Variants in CACNB3 observed in about 807,000 individuals in gnomAD.
CACNB3 encodes the protein voltage-dependent L-type calcium channel subunit beta-3.
A neutral mutation model predicts 63.7 loss-of-function variants in CACNB3; 36 were observed. That is an observed-to-expected ratio of 0.57 (90% CI 0.43 to 0.75). The LOEUF (loss-of-function observed/expected upper bound fraction) is 0.75. Ranked by LOEUF, CACNB3 falls within the 30% of genes least tolerant of loss-of-function variation. The pLI is 0.00. For missense variants in CACNB3, 493 were observed against 648.6 expected (o/e 0.76, Z 2.61); for synonymous variants, 241 against 250.6 (o/e 0.96, Z 0.36).
Position 48,825,722 on chromosome 12 carries a change from C to T in CACNB3, c.695C>T (p.Pro232Leu), listed in dbSNP as rs761679635. The T allele has an allele frequency of 3.7e-6, 6 of 1,614,196 alleles. No individual in the cohort carries two copies. Among genetic ancestry groups the T allele is most frequent in the Middle Eastern group, 1.6e-4 (1 of 6,062 alleles). The part of the protein sequence containing the change: ...SLAKRSVLNN[P>L]GKRTIIERSS... ...GCAAAGCGATCTGTGCTCAACAATC[C>T]GGGCAAGAGGACCATCATTGAGCGC... is the stretch of plus-strand genomic sequence containing the variant. The change falls in exon 9 of 13, where the codon CCG becomes CTG. Residue 232 changes from proline to leucine, a missense_variant. Pro to Leu is a moderately conservative substitution (Grantham distance 98). Transcript: ENST00000301050. The surrounding 1 kb of genome is among the most constrained non-coding windows in gnomAD (Gnocchi z 4.5).
At chr12:48,815,508 G>T (rs1049845615), upstream of CACNB3, 16 of 1,409,320 alleles carry the variant, frequency 1.1e-5, no homozygotes, top group Non-Finnish European at 1.3e-5. Context: ...AGGGAGGGAG[G>T]AGGGAGGAGA....
intron 3 of CACNB3, chr12:48,824,052 C>G (rs1395916439): frequency 4.5e-6 from 3 of 661,556 alleles, no homozygotes; most frequent in Non-Finnish European, 7.7e-6. Flanking sequence ...TCCGAGGTCC[C>G]CTGTGACAGC....
chr12:48,824,777 A>G (rs1938039509), intron 5 of CACNB3, 44 bp downstream of exon 5: 1 of 1,589,558 alleles, frequency 6.3e-7, no homozygotes, highest in Non-Finnish European at 8.6e-7. Flanking sequence ...GTGGGTAGCT[A>G]AGACACAGGG....
Position 48,818,983 on chromosome 12 carries a change from C to T in CACNB3, c.45+9C>T, listed in dbSNP as rs1229831288. 6.2e-7 allele frequency: 1 copy of T among 1,605,286 alleles called. No homozygotes were observed. The highest frequency in any genetic ancestry group is 8.5e-7 in the Non-Finnish European group (1 of 1,176,190). On this transcript the variant is annotated intron_variant, in intron 1 of 12. Transcript: ENST00000301050. The surrounding 1 kb of genome is among the most constrained non-coding windows in gnomAD (Gnocchi z 4.3). The stretch of plus-strand genomic sequence containing the variant: ...TTGAGGACTCGGAGGCGGTGAGTGC[C>T]CACGATGAGGGTGGGGGCGGGGAAG...
At chr12:48,816,886 G>A, upstream of CACNB3, 2 of 985,516 alleles carry the variant, frequency 2.0e-6, no homozygotes, top group Non-Finnish European at 2.4e-6. Context: ...CATCTCCCAG[G>A]AGAAGAGCAC....
chr12:48,815,535 G>A (rs1262472322), upstream of CACNB3: 6 of 1,488,286 alleles, frequency 4.0e-6, no homozygotes, highest in South Asian at 1.3e-5. Flanking sequence ...GAGGGAACCA[G>A]GGGAGAGGGA....
intron 1 of CACNB3, among the ~76,000 whole-genome samples, chr12:48,822,283 A>G (rs1937890123): frequency 6.6e-6 from 1 of 151,998 alleles, no homozygotes; most frequent in Admixed American, 6.6e-5. Flanking sequence ...AGAGGAGGAA[A>G]CCCAGACATT....
At chr12:48,819,084 G>A (rs1937703325) in intron 1 of CACNB3, 110 bp downstream of exon 1, 13 of 1,165,832 alleles carry the variant, frequency 1.1e-5, no homozygotes, top group Admixed American at 2.3e-5. Flanking sequence ...GGCAGGGCAG[G>A]GTTTGTAGGG....
At chr12:48,815,578 G>A, upstream of CACNB3, 1 of 1,524,254 alleles carries the variant, frequency 6.6e-7, no homozygotes, top group Non-Finnish European at 8.8e-7. Flanking sequence ...GCGGGCGTGG[G>A]GCGAGGCCAG....
At chr12:48,824,193 T>C (rs1937996891) in intron 3 of CACNB3, 65 bp from the exon 4 acceptor site, 5 of 1,346,522 alleles carry the variant, frequency 3.7e-6, no homozygotes, top group Non-Finnish European at 5.2e-6. Context: ...CTCCTTCACA[T>C]TGAAGAGCCA....
intron 12 of CACNB3, 146 bp downstream of exon 12, chr12:48,827,269 C>T (rs537423815): frequency 1.2e-4 from 119 of 1,028,526 alleles, no homozygotes; most frequent in African/African-American, 1.0e-3. Flanking sequence ...CTAGCACAGA[C>T]GGGCAAAGGA....
At chr12:48,814,581 G>T, upstream of CACNB3, 2 of 1,499,538 alleles carry the variant, frequency 1.3e-6, no homozygotes, top group Non-Finnish European at 1.8e-6. This position sits in a 1 kb window ranked among gnomAD's most constrained non-coding sequence, Gnocchi z 6.9. Flanking sequence ...TCCCGGAAGG[G>T]CGCGGGTGTC....
In CACNB3 at chr12:48,824,710, G is replaced by A. The variant is rs529983652; in HGVS notation, c.449G>A (p.Arg150Gln). Residue 150 changes from arginine to glutamine, a missense_variant, in exon 5 of 13, where the codon CGA becomes CAA. Arg to Gln is a conservative substitution (Grantham distance 43). Coordinates refer to ENST00000301050, the MANE Select transcript of CACNB3 (RefSeq NM_000725.4). Reference protein sequence around the residue: ...NPSSLSDIGNRRSPPPSLAKQ... With the variant: ...NPSSLSDIGNQRSPPPSLAKQ... ...TCCAGCCTGAGTGACATTGGCAACC[G>A]ACGCTCCCCTCCGCCATCTCTAGGT... The A allele has an allele frequency of 7.3e-5, 118 of 1,613,602 alleles. 3 individuals carry two copies. The East Asian group carries it at 2.1e-3, about 29-fold the overall frequency.
rs1287629703 is a variant in CACNB3 at position 48,818,867 on chromosome 12, T to TGCCCCTGCCTCCGGGCC, written c.-60_-44dup. 6.0e-5 allele frequency: 92 copies of TGCCCCTGCCTCCGGGCC among 1,529,006 alleles called. No homozygotes were observed. The highest frequency in any genetic ancestry group is 1.0e-4 in the Admixed American group (5 of 49,102). The allele number at this position is 1,529,006 out of a possible 1,614,324, so 94.7% of individuals were successfully genotyped here. ...TCTCCCGGGCGCGGCCCGCAGTCCT[T>TGCCCCTGCCTCCGGGCC]GCCCCTGCCTCCGGGCCGCTCCCGC... On this transcript the variant is annotated 5_prime_UTR_variant, in exon 1 of 13. Transcript: ENST00000301050. This position sits in a 1 kb window ranked among gnomAD's most constrained non-coding sequence, Gnocchi z 4.3.
intron 1 of CACNB3, 71 bp downstream of exon 1, chr12:48,819,045 C>A: frequency 6.6e-7 from 1 of 1,507,050 alleles, no homozygotes; most frequent in Non-Finnish European, 9.1e-7. Context: ...ACCCTTTCCC[C>A]GGTTCAGGAC....
upstream of CACNB3, chr12:48,817,003 C>T: frequency 1.0e-6 from 1 of 985,476 alleles, no homozygotes; most frequent in Non-Finnish European, 1.2e-6. Flanking sequence ...TGGGTGAGGG[C>T]ACAAAAGTGG....
rs1355697759 is a variant in CACNB3 at position 48,827,573 on chromosome 12, T to C, written c.1141-12T>C. On this transcript the variant is annotated splice_polypyrimidine_tract_variant and intron_variant, in intron 12 of 12. Coordinates refer to ENST00000301050, the MANE Select transcript of CACNB3 (RefSeq NM_000725.4). ...TGTACTGCCTCACTGAGAGCTGTTG[T>C]ATGGCCCCCAGAACCAGCAGCTGCT... 22 of 1,609,576 alleles carry C rather than the reference T, an allele frequency of 1.4e-5. No homozygotes were observed. The highest frequency in any genetic ancestry group is 1.9e-5 in the Non-Finnish European group (22 of 1,177,866).
chr12:48,825,834 TTTTC>T lies in CACNB3; in HGVS notation c.742+69_742+72del. ...TGCCAGTGAGAACCTTCCTCCTCCC[TTTTC>T]TTTTTTTTGAGATGGAGTCTCGCTC... On this transcript the variant is annotated intron_variant, in intron 9 of 12. Coordinates refer to ENST00000301050, the MANE Select transcript of CACNB3 (RefSeq NM_000725.4). The surrounding 1 kb of genome is among the most constrained non-coding windows in gnomAD (Gnocchi z 4.5). 2 of 1,141,370 alleles carry T rather than the reference TTTTC, an allele frequency of 1.8e-6. No individual in the cohort carries two copies. 70.7% of individuals were successfully genotyped at this position (1,141,370 alleles called of 1,614,324 possible). A position where few individuals can be genotyped will look rare whatever the true frequency, so the allele number is the denominator to read the frequency against.
chr12:48,828,431 A>G lies in CACNB3; in HGVS notation c.*532A>G. The stretch of plus-strand genomic sequence containing the variant: ...AAAGCCCCCCCAGGGTGGCACACCC[A>G]TCTGTTTGCTGGGGTGTGGCAGCCA... On this transcript the variant is annotated 3_prime_UTR_variant, in exon 13 of 13. Transcript: ENST00000301050. The G allele has an allele frequency of 2.9e-6, 1 of 340,658 alleles. No individual in the cohort carries two copies. The highest frequency in any genetic ancestry group is 5.8e-6 in the Non-Finnish European group (1 of 172,128). 21.1% of individuals were successfully genotyped at this position (340,658 alleles called of 1,614,324 possible). A position where few individuals can be genotyped will look rare whatever the true frequency, so the allele number is the denominator to read the frequency against.
Sources: allele counts gnomAD v4.1 joint callset (sites outside exome capture counted in the v4.1 genomes callset), GRCh38; gene constraint gnomAD v4.1.1; non-coding constraint Gnocchi (gnomAD v3.1); transcripts MANE v1.5; gene names NCBI Gene and HGNC (gene_info 2026-07-23, HGNC 2026-07-21).